The following SLIT3 variants were observed in gnomAD, a reference collection of about 807,000 sequenced individuals.
SLIT3 encodes the protein slit homolog 3 protein.
Under a neutral mutation model 184.0 loss-of-function variants are expected in SLIT3, and 68 were observed. The ratio of observed to expected loss-of-function variants is 0.37; its 90% CI spans 0.30 to 0.45. SLIT3 has a LOEUF of 0.45. Among genes scored for constraint, SLIT3 ranks in the 20% least tolerant of loss-of-function variants. The pLI, the probability that SLIT3 is intolerant of heterozygous loss-of-function variation, is 1.00. For synonymous variants in SLIT3, 831 were observed against 828.6 expected, an observed-to-expected ratio of 1.00 and a Z score of -0.05; for missense variants, 1,707 against 2,026.0, an observed-to-expected ratio of 0.84 and a Z score of 3.02.
At chr5:169,047,128 T>C (rs1561629862) in intron 4 of SLIT3, among the ~76,000 whole-genome samples, 1 of 152,136 alleles carries the variant, frequency 6.6e-6, no homozygotes, top group Non-Finnish European at 1.5e-5. Flanking sequence ...CTTCCCCACC[T>C]GGATGTCCTG....
chr5:168,798,833 C>T (rs11134532), intron 9 of SLIT3, among the ~76,000 whole-genome samples: 103,650 of 151,886 alleles, frequency 0.68, 36,360 homozygotes, highest in African/African-American at 0.85. Flanking sequence ...ACTTAATAGT[C>T]ACATTCTATG....
At chr5:169,147,343 A>C (rs1761958873) in intron 4 of SLIT3, among the ~76,000 whole-genome samples, 1 of 152,148 alleles carries the variant, frequency 6.6e-6, no homozygotes, top group African/African-American at 2.4e-5. Flanking sequence ...ATATCAGCTC[A>C]CTGCAACCTC....
rs550203785 is a variant in SLIT3 at position 169,270,204 on chromosome 5, T to C, written c.198-18745A>G. ...GTCATCCAGCACACCTGAAAGAGTATACAGTAATTCATTCAATCAGCGTTT... is the reference window on the plus strand; with the variant it reads ...GTCATCCAGCACACCTGAAAGAGTACACAGTAATTCATTCAATCAGCGTTT... On this transcript the variant is annotated intron_variant, in intron 1 of 35. Coordinates refer to ENST00000519560, the MANE Select transcript of SLIT3 (RefSeq NM_003062.4). Among the ~76,000 whole-genome samples, 12 of 152,252 alleles carry C rather than the reference T, an allele frequency of 7.9e-5. No homozygotes were observed. In the East Asian group the frequency reaches 2.1e-3, roughly 27 times the overall value.
chr5:168,718,749 T>TTC (rs990029456), intron 23 of SLIT3, among the ~76,000 whole-genome samples: 16 of 83,774 alleles, frequency 1.9e-4, no homozygotes, highest in Non-Finnish European at 2.7e-4. Context: ...CTCTCTCTCT[T>TTC]TCTCTCTCTC....
chr5:169,169,705 A>G (rs867474095), intron 4 of SLIT3, among the ~76,000 whole-genome samples: 11 of 152,370 alleles, frequency 7.2e-5, no homozygotes, highest in Middle Eastern at 3.4e-3. Flanking sequence ...CAGCAACAGT[A>G]TAACTAAGAC....
intron 4 of SLIT3, among the ~76,000 whole-genome samples, chr5:169,135,363 C>T (rs1360379871): frequency 1.3e-5 from 2 of 152,130 alleles, no homozygotes; most frequent in Non-Finnish European, 2.9e-5. Flanking sequence ...CTGCCTGCCT[C>T]GGCCTCCCAA....
At chr5:168,910,090 T>C (rs991995396) in intron 4 of SLIT3, among the ~76,000 whole-genome samples, 16 of 152,238 alleles carry the variant, frequency 1.1e-4, no homozygotes, top group Non-Finnish European at 1.9e-4. Flanking sequence ...CCAAACCATC[T>C]GGGCTGAAAA....
intron 26 of SLIT3, among the ~76,000 whole-genome samples, chr5:168,701,827 C>A (rs1423667230): frequency 2.0e-5 from 3 of 152,240 alleles, no homozygotes; most frequent in African/African-American, 7.2e-5. Context: ...TGCCACACCA[C>A]CTGCTCGCCA....
At chr5:169,136,240 A>G (rs559719701) in intron 4 of SLIT3, among the ~76,000 whole-genome samples, 4 of 152,300 alleles carry the variant, frequency 2.6e-5, no homozygotes, top group East Asian at 1.9e-4. Flanking sequence ...AAAAAGTAGC[A>G]TGAACTACGA....
intron 4 of SLIT3, among the ~76,000 whole-genome samples, chr5:168,927,300 A>T: frequency 6.6e-6 from 1 of 152,198 alleles, no homozygotes; most frequent in Non-Finnish European, 1.5e-5. Flanking sequence ...TTCCACTTAC[A>T]TGAGTACCTA....
intron 3 of SLIT3, among the ~76,000 whole-genome samples, chr5:169,210,264 G>T (rs898283526): frequency 6.6e-6 from 1 of 152,164 alleles, no homozygotes; most frequent in Non-Finnish European, 1.5e-5. Context: ...AAGCCAGCGG[G>T]TTCCAAAATG....
intron 4 of SLIT3, among the ~76,000 whole-genome samples, chr5:169,058,114 G>T (rs1027654013): frequency 3.3e-5 from 5 of 152,252 alleles, no homozygotes; most frequent in Non-Finnish European, 7.3e-5. Flanking sequence ...TGCAGGGACT[G>T]CTGTGTTCTT....
chr5:168,673,263 A>G lies in SLIT3; in HGVS notation c.3755T>C (p.Leu1252Pro). The change falls in exon 33 of 36, where the codon CTA (leucine) becomes CCA (proline). Residue 1252 changes from leucine (L) to proline (P), a missense_variant. Coordinates refer to ENST00000519560, the MANE Select transcript of SLIT3 (RefSeq NM_003062.4). Reference protein sequence around the residue: ...ELVTLNQTLNLVVDKGTPKSL... With the variant: ...ELVTLNQTLNPVVDKGTPKSL... ...CTTTGGAGTTCCTTTGTCCACTACT[A>G]GGTTCAGGGTCTGGTTTAGCGTCAC... 1 of 1,614,028 alleles carries G rather than the reference A, an allele frequency of 6.2e-7. No homozygotes were observed. The highest frequency in any genetic ancestry group is 8.5e-7 in the Non-Finnish European group (1 of 1,179,978).
At chr5:169,188,283 T>C (rs1452443708) in intron 4 of SLIT3, among the ~76,000 whole-genome samples, 1 of 152,260 alleles carries the variant, frequency 6.6e-6, no homozygotes, top group Admixed American at 6.5e-5. Context: ...AATCACTGTC[T>C]GCATCTTGCC....
chr5:168,807,926 T>C (rs1452551406), intron 8 of SLIT3, among the ~76,000 whole-genome samples: 1 of 152,060 alleles, frequency 6.6e-6, no homozygotes, highest in African/African-American at 2.4e-5. Flanking sequence ...GCCCCAAGGG[T>C]GGATCCTCCT....
intron 4 of SLIT3, among the ~76,000 whole-genome samples, chr5:168,904,580 T>C (rs1760983608): frequency 6.6e-6 from 1 of 152,202 alleles, no homozygotes; most frequent in Non-Finnish European, 1.5e-5. Context: ...TAGCCTTCAA[T>C]GTCCCTTTCT....
intron 5 of SLIT3, among the ~76,000 whole-genome samples, chr5:168,850,367 ATTAT>A (rs1291170669): frequency 4.6e-5 from 7 of 151,002 alleles, no homozygotes; most frequent in African/African-American, 1.2e-4. Flanking sequence ...TGATTCATGA[ATTAT>A]TTAAGTATCC....
intron 34 of SLIT3, 26 bp downstream of exon 34, chr5:168,671,172 A>G (rs1243945191): frequency 6.3e-7 from 1 of 1,592,328 alleles, no homozygotes; most frequent in African/African-American, 1.3e-5. Context: ...GCTCGAGCAC[A>G]CAGCCAGGGC....
At chr5:168,866,705 A>C (rs1302907464) in intron 5 of SLIT3, among the ~76,000 whole-genome samples, 2 of 152,188 alleles carry the variant, frequency 1.3e-5, no homozygotes, top group East Asian at 1.9e-4. Context: ...TGACTCTGCT[A>C]TGTGACCTTG....
Sources: allele counts gnomAD v4.1 joint callset (sites outside exome capture counted in the v4.1 genomes callset), GRCh38; gene constraint gnomAD v4.1.1; transcripts MANE v1.5; gene names NCBI Gene and HGNC (gene_info 2026-07-23, HGNC 2026-07-21).